Variants in RHD observed in about 807,000 individuals in gnomAD.
RHD encodes blood group Rh(D) polypeptide.
In RHD, 16 loss-of-function variants were observed where a neutral mutation model predicts 45.5. The observed-to-expected ratio is 0.35, with a 90% CI of 0.24 to 0.53. The LOEUF is 0.53. Ranked by LOEUF, RHD falls within the 20% of genes least tolerant of loss-of-function variation. The pLI is 0.92. For synonymous variants in RHD, 131 were observed against 217.5 expected (o/e 0.60, Z 3.50); for missense variants, 306 against 532.0 (o/e 0.58, Z 4.18).
At position 25,301,644 on chromosome 1, in the gene RHD, C is replaced by T; in HGVS notation, c.759C>T (p.Ile253=). 2 of 1,380,482 alleles carry T rather than the reference C, an allele frequency of 1.4e-6. No individual in the cohort carries two copies. The highest frequency in any genetic ancestry group is 1.2e-5 in the South Asian group (1 of 84,950). The allele number at this position is 1,380,482 out of a possible 1,614,324, so 85.5% of individuals were successfully genotyped here. ...YAVAVSVVTA[I]SGSSLAHPQG... ...TAGCAGTCAGCGTGGTGACAGCCAT[C>T]TCAGGGTCATCCTTGGCTCACCCCC... Residue 253 remains isoleucine (I), a synonymous_variant, in exon 5 of 10, where the codon ATC becomes ATT. Transcript: ENST00000328664.
chr1:25,300,873 C>A lies in RHD; in HGVS notation c.487-73C>A, dbSNP rs939875558. On this transcript the variant is annotated intron_variant, in intron 3 of 9. Coordinates refer to ENST00000328664, the MANE Select transcript of RHD (RefSeq NM_016124.6). ...CCTCCTAAGTGAAGCTCTGAACTTT[C>A]TCCAAGGACTATCAGGGCTTGCCCC... 4 of 1,341,754 alleles carry A rather than the reference C, an allele frequency of 3.0e-6. 1 individual carries two copies. The highest frequency in any genetic ancestry group is 2.1e-6 in the Non-Finnish European group (2 of 950,236). The allele number at this position is 1,341,754 out of a possible 1,614,324, so 83.1% of individuals were successfully genotyped here.
At chr1:25,297,050 T>C (rs1285600335) in intron 3 of RHD, among the ~76,000 whole-genome samples, 1 of 131,110 alleles carries the variant, frequency 7.6e-6, no homozygotes, top group African/African-American at 2.6e-5. Context: ...CTCAATAATA[T>C]CTTTTCTAGA....
chr1:25,307,459 G>C (rs943375643), intron 7 of RHD, among the ~76,000 whole-genome samples: 4 of 132,584 alleles, frequency 3.0e-5, no homozygotes, highest in Admixed American at 2.9e-4. Context: ...GATTTTTAGA[G>C]ATGAACTGGT....
intron 1 of RHD, among the ~76,000 whole-genome samples, chr1:25,277,727 T>C (rs1641134104): frequency 8.1e-6 from 1 of 123,064 alleles, no homozygotes; most frequent in Non-Finnish European, 1.9e-5. Flanking sequence ...CCCAGGGGAG[T>C]GCAGTGGTGC....
rs1240193858 is a variant in RHD at position 25,296,371 on chromosome 1, C to T, written c.487-4575C>T. ...AAGCAATTCTTGTGCCTCACCCTCC[C>T]GAGTAGCTGGGATTAGGGGCATGCC... On this transcript the variant is annotated intron_variant, in intron 3 of 9. Coordinates refer to ENST00000328664, the MANE Select transcript of RHD (RefSeq NM_016124.6). 2.4e-5 allele frequency among the ~76,000 whole-genome samples: 3 copies of T among 123,422 alleles called. 1 individual carries two copies. The highest frequency in any genetic ancestry group is 2.5e-4 in the South Asian group (1 of 3,976). 81.0% of individuals were successfully genotyped at this position (123,422 alleles called of 152,430 possible).
rs1221677768 is a variant in RHD at position 25,306,261 on chromosome 1, C to T, written c.940-335C>T. On this transcript the variant is annotated intron_variant, in intron 6 of 9. Coordinates refer to ENST00000328664, the MANE Select transcript of RHD (RefSeq NM_016124.6). ...CATCCTACAGTACACAGGGCAGCCC[C>T]CACCACAAGGAATTATCAGCTGAAA... 3.0e-5 allele frequency among the ~76,000 whole-genome samples: 4 copies of T among 131,628 alleles called. No individual in the cohort carries two copies. In the East Asian group the frequency reaches 5.9e-4, roughly 19 times the overall value. 86.4% of individuals were successfully genotyped at this position (131,628 alleles called of 152,430 possible).
At position 25,293,746 on chromosome 1, in the gene RHD, T is replaced by C. The variant is rs1359490882; in HGVS notation, c.486+2955T>C. On this transcript the variant is annotated intron_variant, in intron 3 of 9. Transcript: ENST00000328664. ...TTGAAAATTAAACACTGTCTAATTT[T>C]CTGCAAAGTTTTTATTCATGAATTA... 3.0e-5 allele frequency among the ~76,000 whole-genome samples: 4 copies of C among 132,416 alleles called. 2 individuals are homozygous for C. The highest frequency in any genetic ancestry group is 7.1e-5 in the Non-Finnish European group (4 of 56,098). 86.9% of individuals were successfully genotyped at this position (132,416 alleles called of 152,430 possible). A position where few individuals can be genotyped will look rare whatever the true frequency, so the allele number is the denominator to read the frequency against.
At chr1:25,288,310 G>A (rs1415241668) in intron 2 of RHD, among the ~76,000 whole-genome samples, 1 of 129,554 alleles carries the variant, frequency 7.7e-6, no homozygotes, top group African/African-American at 2.6e-5. Flanking sequence ...CTGAGTAGCT[G>A]AGACCACAGG....
chr1:25,318,433 C>T lies in RHD; in HGVS notation c.1153+1354C>T, dbSNP rs1644523210. On this transcript the variant is annotated intron_variant, in intron 8 of 9. Coordinates refer to ENST00000328664, the MANE Select transcript of RHD (RefSeq NM_016124.6). ...CAAAACCCTGTCTCTACCAGAAATACAAAAATTAGCCAGGCGTGGTGGCGT... is the reference window on the plus strand; with the variant it reads ...CAAAACCCTGTCTCTACCAGAAATATAAAAATTAGCCAGGCGTGGTGGCGT... Among the ~76,000 whole-genome samples, 2 of 129,212 alleles carry T rather than the reference C, an allele frequency of 1.5e-5. 1 individual carries two copies. Among genetic ancestry groups the T allele is most frequent in the Non-Finnish European group, 3.7e-5 (2 of 54,444 alleles). The allele number at this position is 129,212 out of a possible 152,430, so 84.8% of individuals were successfully genotyped here.
chr1:25,278,409 T>C (rs542961524), intron 1 of RHD, among the ~76,000 whole-genome samples: 1 of 131,148 alleles, frequency 7.6e-6, no homozygotes, highest in South Asian at 2.4e-4. Context: ...CCAAACTTAG[T>C]GGCTTAAAAT....
intron 3 of RHD, among the ~76,000 whole-genome samples, chr1:25,298,970 G>C (rs1643156769): frequency 8.0e-6 from 1 of 125,186 alleles, no homozygotes; most frequent in South Asian, 2.5e-4. Context: ...GGTAACGAGT[G>C]CACAAGCCAT....
At chr1:25,295,717 C>A (rs1434574946) in intron 3 of RHD, among the ~76,000 whole-genome samples, 1 of 108,544 alleles carries the variant, frequency 9.2e-6, no homozygotes, top group East Asian at 2.2e-4. Context: ...GGGCTGACAT[C>A]ATCAGTGACC....
chr1:25,329,468 C>T lies in RHD; in HGVS notation c.*544C>T, dbSNP rs1644944872. The T allele has an allele frequency of 4.5e-6, 1 of 222,762 alleles. No homozygotes were observed. The highest frequency in any genetic ancestry group is 3.8e-5 in the South Asian group (1 of 26,112). The allele number at this position is 222,762 out of a possible 1,614,324, so 13.8% of individuals were successfully genotyped here. ...ATGTTGGCCAGGCTGATCTCAAACT[C>T]CTGACCTCAAGTGATCTGCCCGCCT... On this transcript the variant is annotated 3_prime_UTR_variant, in exon 10 of 10. Transcript: ENST00000328664.
chr1:25,300,174 G>T (rs1275813160), intron 3 of RHD, among the ~76,000 whole-genome samples: 1 of 131,312 alleles, frequency 7.6e-6, no homozygotes, highest in African/African-American at 2.6e-5. Flanking sequence ...TGAGGTGCGT[G>T]TCCATGTGGG....
In RHD at chr1:25,290,544, G is replaced by A. The variant is rs1642398307; in HGVS notation, c.336-97G>A. ...CCACAGAAAGTAGGTGCCCAACAGT[G>A]TTTGTTGAAAGAATGAATGAATGAA... On this transcript the variant is annotated intron_variant, in intron 2 of 9. Coordinates refer to ENST00000328664, the MANE Select transcript of RHD (RefSeq NM_016124.6). 2.8e-6 allele frequency: 3 copies of A among 1,076,548 alleles called. 1 individual carries two copies. In the African/African-American group the frequency reaches 4.9e-5, roughly 17 times the overall value. 66.7% of individuals were successfully genotyped at this position (1,076,548 alleles called of 1,614,324 possible). A position where few individuals can be genotyped will look rare whatever the true frequency, so the allele number is the denominator to read the frequency against.
chr1:25,281,687 G>A (rs1333683009), intron 1 of RHD, among the ~76,000 whole-genome samples: 1 of 131,114 alleles, frequency 7.6e-6, no homozygotes, highest in Non-Finnish European at 1.8e-5. Flanking sequence ...GCAGGAGATA[G>A]AAACATTCCC....
chr1:25,307,335 A>G (rs1417858190), intron 7 of RHD, among the ~76,000 whole-genome samples: 1 of 131,374 alleles, frequency 7.6e-6, no homozygotes, highest in Non-Finnish European at 1.8e-5. Context: ...GTGGACAGCA[A>G]TGGTCAGTTT....
chr1:25,285,134 A>ATTT lies in RHD; in HGVS notation c.335+390_335+392dup, dbSNP rs869147845. 9.7e-4 allele frequency among the ~76,000 whole-genome samples: 117 copies of ATTT among 120,742 alleles called. 7 individuals are homozygous for ATTT. The highest frequency in any genetic ancestry group is 2.6e-3 in the African/African-American group (86 of 33,562). 79.2% of individuals were successfully genotyped at this position (120,742 alleles called of 152,430 possible). On this transcript the variant is annotated intron_variant, in intron 2 of 9. Transcript: ENST00000328664. ...CATGCCACACCTAGAGAGACATTCT[A>ATTT]TTTTTTTTTTTTTTTTTGAGACGGA... is the stretch of plus-strand genomic sequence containing the variant.
Position 25,320,117 on chromosome 1 carries a change from C to T in RHD, c.1154-1772C>T, listed in dbSNP as rs1256402191. 1.5e-5 allele frequency among the ~76,000 whole-genome samples: 2 copies of T among 131,018 alleles called. 1 individual carries two copies. Among genetic ancestry groups the T allele is most frequent in the Non-Finnish European group, 3.6e-5 (2 of 55,386 alleles). 86.0% of individuals were successfully genotyped at this position (131,018 alleles called of 152,430 possible). A position where few individuals can be genotyped will look rare whatever the true frequency, so the allele number is the denominator to read the frequency against. Reference sequence around the variant, plus strand: ...TTCTCCATGTTGGTCATGCTGGTCTCGAACTCCTGACCTCAGGTGATCCGC... The same window carrying T: ...TTCTCCATGTTGGTCATGCTGGTCTTGAACTCCTGACCTCAGGTGATCCGC... On this transcript the variant is annotated intron_variant, in intron 8 of 9. Coordinates refer to ENST00000328664, the MANE Select transcript of RHD (RefSeq NM_016124.6).
Sources: allele counts gnomAD v4.1 joint callset (sites outside exome capture counted in the v4.1 genomes callset), GRCh38; gene constraint gnomAD v4.1.1; transcripts MANE v1.5; gene names NCBI Gene and HGNC (gene_info 2026-07-23, HGNC 2026-07-21).